Variants in PLCL2 observed in about 807,000 individuals in gnomAD.
PLCL2 encodes the protein inactive phospholipase C-like protein 2.
Under a neutral mutation model 79.6 loss-of-function variants are expected in PLCL2, and 4 were observed. The ratio of observed to expected loss-of-function variants is 0.05; its 90% CI spans 0.02 to 0.11. The LOEUF (loss-of-function observed/expected upper bound fraction) is 0.11, where lower values mean the gene tolerates loss of function less well. Ranked by LOEUF, PLCL2 falls within the 10% of genes least tolerant of loss-of-function variation. The pLI is 1.00. For missense variants in PLCL2, 895 were observed against 1,291.0 expected, an observed-to-expected ratio of 0.69 and a Z score of 4.70; for synonymous variants, 484 against 457.7, an observed-to-expected ratio of 1.06 and a Z score of -0.73.
intron 3 of PLCL2, among the ~76,000 whole-genome samples, chr3:17,033,329 C>A (rs1014621802): frequency 6.6e-6 from 1 of 152,108 alleles, no homozygotes; most frequent in Non-Finnish European, 1.5e-5. Context: ...AGTGTTCAGG[C>A]AGACTTATAT....
chr3:16,973,355 C>CTTTTTTTTTT (rs57892589), intron 1 of PLCL2, among the ~76,000 whole-genome samples: 3 of 137,798 alleles, frequency 2.2e-5, no homozygotes, highest in Non-Finnish European at 1.6e-5. Context: ...CTGCCTTTAA[C>CTTTTTTTTTT]TTTTTTTTTT....
intron 4 of PLCL2, among the ~76,000 whole-genome samples, chr3:17,053,535 AT>A (rs1269453643): frequency 6.6e-6 from 1 of 152,110 alleles, no homozygotes; most frequent in African/African-American, 2.4e-5. Flanking sequence ...TCCTTCTCAC[AT>A]TTCAAAATAC....
intron 1 of PLCL2, among the ~76,000 whole-genome samples, chr3:16,989,791 A>C (rs1224471271): frequency 1.3e-5 from 2 of 152,222 alleles, no homozygotes; most frequent in Admixed American, 6.5e-5. Context: ...TAGAAGCATA[A>C]TGATTTCTTG....
chr3:17,074,374 G>A (rs574435479), intron 5 of PLCL2, among the ~76,000 whole-genome samples: 5 of 152,300 alleles, frequency 3.3e-5, no homozygotes, highest in Admixed American at 1.3e-4. Flanking sequence ...CTGTAAACAC[G>A]TATGTTCTCA....
In PLCL2 at chr3:16,970,054, A is replaced by ATTT. The variant is rs1255921478; in HGVS notation, c.328-39619_328-39618insTTT. On this transcript the variant is annotated intron_variant, in intron 1 of 5. Coordinates refer to ENST00000615277, the MANE Select transcript of PLCL2 (RefSeq NM_001144382.2). ...GGCTTTGATTTATATATATATATAT[A>ATTT]TATATTTTATTTTATTATTATTACA... 1.7e-4 allele frequency among the ~76,000 whole-genome samples: 22 copies of ATTT among 130,420 alleles called. No homozygotes were observed. In the East Asian group the frequency reaches 4.7e-3, roughly 28 times the overall value. 85.6% of individuals were successfully genotyped at this position (130,420 alleles called of 152,430 possible).
intron 5 of PLCL2, among the ~76,000 whole-genome samples, chr3:17,073,011 C>G (rs1026990488): frequency 6.6e-6 from 1 of 152,204 alleles, no homozygotes; most frequent in Non-Finnish European, 1.5e-5. Flanking sequence ...AGGGTGTAAT[C>G]CATTCCCACA....
At chr3:16,946,924 A>G (rs2063605626) in intron 1 of PLCL2, among the ~76,000 whole-genome samples, 1 of 150,136 alleles carries the variant, frequency 6.7e-6, no homozygotes, top group Non-Finnish European at 1.5e-5. Flanking sequence ...ATAAGAGTAA[A>G]TGAATGAATA....
chr3:17,027,483 G>A (rs2064529652), intron 3 of PLCL2, among the ~76,000 whole-genome samples: 1 of 152,174 alleles, frequency 6.6e-6, no homozygotes, highest in Non-Finnish European at 1.5e-5. Context: ...AAGCCTAGCA[G>A]CCTACAATGT....
chr3:16,956,586 A>T (rs949069663), intron 1 of PLCL2, among the ~76,000 whole-genome samples: 1 of 152,168 alleles, frequency 6.6e-6, no homozygotes, highest in African/African-American at 2.4e-5. Context: ...ATTGATTGGA[A>T]TAGTTTCAGA....
At chr3:17,005,092 A>G (rs2064247992) in intron 1 of PLCL2, among the ~76,000 whole-genome samples, 3 of 152,216 alleles carry the variant, frequency 2.0e-5, no homozygotes, top group South Asian at 2.1e-4. Context: ...TCATTTTCTC[A>G]TGATGTTTTT....
At chr3:17,037,418 T>C (rs1245666045) in intron 3 of PLCL2, among the ~76,000 whole-genome samples, 1 of 152,222 alleles carries the variant, frequency 6.6e-6, no homozygotes, top group African/African-American at 2.4e-5. Flanking sequence ...TTTGGAAAGA[T>C]ACTTCCCTGT....
At chr3:16,946,953 C>CATTTTT (rs2063606039) in intron 1 of PLCL2, among the ~76,000 whole-genome samples, 1 of 95,444 alleles carries the variant, frequency 1.0e-5, no homozygotes. Context: ...AAGTTTCATT[C>CATTTTT]TTTTTTTTTT....
chr3:16,911,618 A>G (rs1696884245), intron 1 of PLCL2, among the ~76,000 whole-genome samples: 1 of 152,174 alleles, frequency 6.6e-6, no homozygotes, highest in Non-Finnish European at 1.5e-5. Flanking sequence ...CACTTTTGTC[A>G]TACAAAGGTG....
chr3:16,981,916 G>A (rs1028917687), intron 1 of PLCL2, among the ~76,000 whole-genome samples: 5 of 152,152 alleles, frequency 3.3e-5, no homozygotes, highest in Non-Finnish European at 5.9e-5. Flanking sequence ...TTATCCCAAA[G>A]CTCCTTTTAG....
At chr3:16,929,400 T>C (rs1053116110) in intron 1 of PLCL2, among the ~76,000 whole-genome samples, 9 of 152,120 alleles carry the variant, frequency 5.9e-5, no homozygotes, top group Non-Finnish European at 8.8e-5. Context: ...AAAAGACTTC[T>C]GGGAAGGCGG....
rs1225125000 is a variant in PLCL2 at position 16,884,983 on chromosome 3, G to T, written c.-57G>T. On this transcript the variant is annotated 5_prime_UTR_variant, in exon 1 of 6. Transcript: ENST00000615277. The surrounding 1 kb of genome is among the most constrained non-coding windows in gnomAD (Gnocchi z 9.3). ...GCCGCGCGCGGCGGCCCGAGGCGGC[G>T]GCGGGGACGCGGGGACGCGAGGACG... 3.8e-5 allele frequency: 7 copies of T among 182,126 alleles called. No individual in the cohort carries two copies. Among genetic ancestry groups the T allele is most frequent in the South Asian group, 1.7e-4 (1 of 6,000 alleles). 11.3% of individuals were successfully genotyped at this position (182,126 alleles called of 1,614,324 possible).
At position 17,010,558 on chromosome 3, in the gene PLCL2, G is replaced by A; in HGVS notation, c.1212G>A (p.Gly404=). Residue 404 remains glycine (G), a synonymous_variant, in exon 2 of 6, where the codon GGG becomes GGA. Coordinates refer to ENST00000615277, the MANE Select transcript of PLCL2 (RefSeq NM_001144382.2). This position sits in a 1 kb window ranked among gnomAD's most constrained non-coding sequence, Gnocchi z 5.8. ...GQEKGWLSID[G]FTNYLMSPDC... ...AAAAGGGCTGGCTCTCCATAGACGG[G>A]TTCACTAATTACCTTATGTCACCTG... The A allele has an allele frequency of 1.2e-6, 2 of 1,614,022 alleles. No homozygotes were observed. The highest frequency in any genetic ancestry group is 1.7e-6 in the Non-Finnish European group (2 of 1,180,000).
At chr3:17,016,344 A>G (rs2064382804) in intron 3 of PLCL2, among the ~76,000 whole-genome samples, 2 of 152,248 alleles carry the variant, frequency 1.3e-5, no homozygotes, top group South Asian at 4.1e-4. Flanking sequence ...CCTATGAAGT[A>G]GTCACACATT....
At chr3:16,902,888 A>G (rs1696661444) in intron 1 of PLCL2, among the ~76,000 whole-genome samples, 1 of 135,016 alleles carries the variant, frequency 7.4e-6, no homozygotes, top group East Asian at 2.2e-4. Context: ...GTGTGNGCGC[A>G]TGTGCATGCT....
Sources: gnomAD v4.1 joint callset for allele counts (sites outside exome capture counted in the v4.1 genomes callset) on GRCh38, gnomAD v4.1.1 for gene constraint, Gnocchi (gnomAD v3.1) non-coding constraint, MANE v1.5 for transcripts, NCBI Gene and HGNC (gene_info 2026-07-23, HGNC 2026-07-21) for gene names.